The following KIAA1328 variants were observed in gnomAD, a reference collection of about 807,000 sequenced individuals.
KIAA1328 encodes KIAA1328, also known as protein hinderin.
Under a neutral mutation model 68.1 loss-of-function variants are expected in KIAA1328, and 52 were observed. The observed-to-expected ratio is 0.76, with a 90% CI of 0.61 to 0.96. The LOEUF is 0.96. Among genes scored for constraint, KIAA1328 ranks in the 40% least tolerant of loss-of-function variants. The probability of loss-of-function intolerance (pLI) is 0.00; values close to 1 mark genes in which losing one functional copy is unlikely to be tolerated. For synonymous variants in KIAA1328, 232 were observed against 239.4 expected, an observed-to-expected ratio of 0.97 and a Z score of 0.28; for missense variants, 641 against 677.6, an observed-to-expected ratio of 0.95 and a Z score of 0.60.
At chr18:37,064,210 C>A (rs1225429852) in intron 6 of KIAA1328, among the ~76,000 whole-genome samples, 1 of 152,128 alleles carries the variant, frequency 6.6e-6, no homozygotes, top group African/African-American at 2.4e-5. Context: ...TGAAGAAGAG[C>A]AAGTCTTCTC....
At chr18:37,034,472 T>C (rs2054952909) in intron 6 of KIAA1328, among the ~76,000 whole-genome samples, 1 of 152,168 alleles carries the variant, frequency 6.6e-6, no homozygotes, top group African/African-American at 2.4e-5. Flanking sequence ...TTCTGAAATA[T>C]TGGCTCTCAG....
intron 6 of KIAA1328, among the ~76,000 whole-genome samples, chr18:37,028,295 T>A (rs1462227592): frequency 6.6e-6 from 1 of 152,202 alleles, no homozygotes; most frequent in East Asian, 1.9e-4. Flanking sequence ...TTGTGTATGG[T>A]TTTTGTGATT....
At chr18:37,049,831 A>G (rs1180786434) in intron 6 of KIAA1328, among the ~76,000 whole-genome samples, 2 of 152,072 alleles carry the variant, frequency 1.3e-5, no homozygotes, top group East Asian at 3.9e-4. Context: ...ACTTTTTGGT[A>G]TTTCTTAAAT....
At chr18:37,007,404 C>T (rs916298894) in intron 6 of KIAA1328, among the ~76,000 whole-genome samples, 23 of 152,092 alleles carry the variant, frequency 1.5e-4, no homozygotes, top group African/African-American at 5.1e-4. Flanking sequence ...ATCACTCATG[C>T]TTATTTTAAT....
At chr18:37,154,234 G>A (rs1184599002) in intron 7 of KIAA1328, among the ~76,000 whole-genome samples, 3 of 152,114 alleles carry the variant, frequency 2.0e-5, no homozygotes, top group South Asian at 2.1e-4. Flanking sequence ...ATTCAGTTTC[G>A]ACAAGTGGGT....
intron 6 of KIAA1328, among the ~76,000 whole-genome samples, chr18:36,987,839 TG>T (rs2053006404): frequency 1.3e-5 from 2 of 152,112 alleles, no homozygotes; most frequent in South Asian, 2.1e-4. Context: ...TTTTTGTTTT[TG>T]TTTTTTTAAA....
In KIAA1328 at chr18:36,835,379, T is replaced by C. The variant is rs568934572; in HGVS notation, c.237+3T>C. ...CAGGAGATTCAGTAGATGAACAGGTTAGTATTTTTTTCGTCTTTTTTTTTC... is the reference window on the plus strand; with the variant it reads ...CAGGAGATTCAGTAGATGAACAGGTCAGTATTTTTTTCGTCTTTTTTTTTC... On this transcript the variant is annotated splice_donor_region_variant and intron_variant, in intron 3 of 9. Coordinates refer to ENST00000280020, the MANE Select transcript of KIAA1328 (RefSeq NM_020776.3). 1 of 1,605,430 alleles carries C rather than the reference T, an allele frequency of 6.2e-7. No homozygotes were observed. Among genetic ancestry groups the C allele is most frequent in the East Asian group, 2.2e-5 (1 of 44,776 alleles).
chr18:37,107,857 A>T (rs932529141), intron 7 of KIAA1328, among the ~76,000 whole-genome samples: 1 of 128,366 alleles, frequency 7.8e-6, no homozygotes, highest in Non-Finnish European at 1.6e-5. Context: ...AATGGCTATT[A>T]TTAAAAGGTT....
At chr18:36,875,305 A>G (rs1375850967) in intron 4 of KIAA1328, among the ~76,000 whole-genome samples, 1 of 152,138 alleles carries the variant, frequency 6.6e-6, no homozygotes, top group East Asian at 1.9e-4. Context: ...TTGAGCATGG[A>G]ATGTTTTTCC....
In KIAA1328 at chr18:37,223,721, A is replaced by G; in HGVS notation, c.*1494A>G. Reference sequence around the variant, plus strand: ...AATTAAAACTAGATTATTTCAATCTAGAAAAGCCTTGTTGAGCAGCCTCCT... The same window carrying G: ...AATTAAAACTAGATTATTTCAATCTGGAAAAGCCTTGTTGAGCAGCCTCCT... On this transcript the variant is annotated 3_prime_UTR_variant, in exon 10 of 10. Transcript: ENST00000280020. 1.0e-6 allele frequency: 1 copy of G among 985,430 alleles called. No homozygotes were observed. The highest frequency in any genetic ancestry group is 1.2e-6 in the Non-Finnish European group (1 of 829,932). 61.0% of individuals were successfully genotyped at this position (985,430 alleles called of 1,614,324 possible). A position where few individuals can be genotyped will look rare whatever the true frequency, so the allele number is the denominator to read the frequency against.
intron 6 of KIAA1328, among the ~76,000 whole-genome samples, chr18:36,981,882 C>T (rs1429059172): frequency 6.6e-6 from 1 of 151,442 alleles, no homozygotes; most frequent in Admixed American, 6.6e-5. Context: ...CATGAGCCAC[C>T]ACACCCAGCA....
At chr18:36,960,623 AC>A (rs1252939660) in intron 6 of KIAA1328, among the ~76,000 whole-genome samples, 2 of 152,162 alleles carry the variant, frequency 1.3e-5, no homozygotes, top group Non-Finnish European at 1.5e-5. Context: ...AGGATCAGGC[AC>A]CAATATTTGC....
At chr18:37,080,391 G>A (rs577215660) in intron 7 of KIAA1328, among the ~76,000 whole-genome samples, 7 of 152,136 alleles carry the variant, frequency 4.6e-5, no homozygotes, top group African/African-American at 1.7e-4. Context: ...ATTTACTTTG[G>A]GTCATTTTCA....
intron 6 of KIAA1328, among the ~76,000 whole-genome samples, chr18:37,011,168 T>C (rs1428512891): frequency 6.6e-6 from 1 of 152,144 alleles, no homozygotes; most frequent in Non-Finnish European, 1.5e-5. Context: ...TAGTAAAAGA[T>C]ATAGATTCTG....
chr18:36,882,943 A>T (rs1172060411), intron 4 of KIAA1328, among the ~76,000 whole-genome samples: 2 of 152,192 alleles, frequency 1.3e-5, no homozygotes, highest in Admixed American at 6.5e-5. Flanking sequence ...GGCTTTTATG[A>T]ATGGGATTGA....
intron 9 of KIAA1328, among the ~76,000 whole-genome samples, chr18:37,206,878 G>T (rs758827539): frequency 6.6e-5 from 10 of 152,038 alleles, no homozygotes; most frequent in Admixed American, 2.6e-4. Flanking sequence ...ATTGCTTAAA[G>T]GTTTTTTCAA....
At chr18:37,199,925 T>A (rs912395758) in intron 9 of KIAA1328, among the ~76,000 whole-genome samples, 1 of 152,188 alleles carries the variant, frequency 6.6e-6, no homozygotes, top group African/African-American at 2.4e-5. Flanking sequence ...ATGGAGGACA[T>A]GTTTTTAAGA....
At chr18:36,979,970 G>C (rs531163603) in intron 6 of KIAA1328, among the ~76,000 whole-genome samples, 17 of 152,238 alleles carry the variant, frequency 1.1e-4, no homozygotes, top group African/African-American at 3.9e-4. Flanking sequence ...TCACCGTCAT[G>C]AACAGAGTAA....
At position 36,967,129 on chromosome 18, in the gene KIAA1328, T is replaced by C. The variant is rs141295246; in HGVS notation, c.576+7694T>C. 1.6e-4 allele frequency among the ~76,000 whole-genome samples: 25 copies of C among 152,314 alleles called. No homozygotes were observed. In the East Asian group the frequency reaches 4.8e-3, roughly 29 times the overall value. ...ATGTTATGTTATATATTTAAAAAGA[T>C]TATCTTGGTAGGCCCGATCTAATAA... is the stretch of plus-strand genomic sequence containing the variant. On this transcript the variant is annotated intron_variant, in intron 6 of 9. Transcript: ENST00000280020.
Sources: gnomAD v4.1 joint callset for allele counts (sites outside exome capture counted in the v4.1 genomes callset) on GRCh38, gnomAD v4.1.1 for gene constraint, MANE v1.5 for transcripts, NCBI Gene and HGNC (gene_info 2026-07-23, HGNC 2026-07-21) for gene names.